The following CLEC12B variants were observed in gnomAD, a reference collection of about 807,000 sequenced individuals.
CLEC12B encodes macrophage antigen h.
A neutral mutation model predicts 36.1 loss-of-function variants in CLEC12B; 25 were observed. The observed-to-expected ratio is 0.69, with a 90% CI of 0.50 to 0.97. The LOEUF (loss-of-function observed/expected upper bound fraction) is 0.97. Ranked by LOEUF, CLEC12B falls within the 50% of genes least tolerant of loss-of-function variation. The probability of loss-of-function intolerance (pLI) is 0.00; values close to 1 mark genes in which losing one functional copy is unlikely to be tolerated. For synonymous variants in CLEC12B, 110 were observed against 108.5 expected, an observed-to-expected ratio of 1.01 and a Z score of -0.09; for missense variants, 325 against 318.4, an observed-to-expected ratio of 1.02 and a Z score of -0.16.
upstream of CLEC12B, among the ~76,000 whole-genome samples, chr12:10,008,297 G>A (rs930684242): frequency 2.0e-5 from 3 of 152,008 alleles, no homozygotes; most frequent in Non-Finnish European, 2.9e-5. Flanking sequence ...TGATTACTAC[G>A]GTGAATAGCC....
chr12:10,015,159 C>T (rs1865449033), intron 3 of CLEC12B, 93 bp from the exon 4 acceptor site: 3 of 1,050,598 alleles, frequency 2.9e-6, no homozygotes, highest in African/African-American at 3.2e-5. Flanking sequence ...GGCTCTCAGT[C>T]CCTATTGTTC....
At chr12:10,018,205 C>A in intron 5 of CLEC12B, 126 bp from the exon 6 acceptor site, 1 of 697,938 alleles carries the variant, frequency 1.4e-6, no homozygotes, top group Non-Finnish European at 2.1e-6. Context: ...GATTTTGAAG[C>A]TTTGTGGAGG....
chr12:10,016,759 T>C (rs1187987875), intron 5 of CLEC12B: 1 of 175,868 alleles, frequency 5.7e-6, no homozygotes, highest in Non-Finnish European at 1.1e-5. Context: ...AATATTTATC[T>C]TTTCTTTATG....
intron 1 of CLEC12B, 37 bp downstream of exon 1, chr12:10,010,887 G>C (rs1279556261): frequency 2.3e-5 from 32 of 1,378,056 alleles, no homozygotes; most frequent in Non-Finnish European, 3.2e-5. Flanking sequence ...GTCCTTGGGG[G>C]AGTGGACAGG....
intron 5 of CLEC12B, chr12:10,017,580 A>G (rs906206112): frequency 1.0e-4 from 103 of 985,604 alleles, no homozygotes; most frequent in Non-Finnish European, 1.2e-4. Context: ...AACACAGGTT[A>G]GAGAGACTGA....
chr12:10,007,436 T>A (rs1865243630), upstream of CLEC12B, among the ~76,000 whole-genome samples: 1 of 152,216 alleles, frequency 6.6e-6, no homozygotes, highest in African/African-American at 2.4e-5. Flanking sequence ...TCAACCACTG[T>A]TGAAAAGAAT....
At chr12:10,007,275 G>A (rs1865241472), upstream of CLEC12B, among the ~76,000 whole-genome samples, 1 of 151,786 alleles carries the variant, frequency 6.6e-6, no homozygotes, top group African/African-American at 2.4e-5. Flanking sequence ...ATCTTTGGAA[G>A]TGAACATAAG....
chr12:10,012,604 G>A (rs534917302), intron 1 of CLEC12B, among the ~76,000 whole-genome samples, 181 bp from the exon 2 acceptor site: 2 of 152,264 alleles, frequency 1.3e-5, no homozygotes, highest in African/African-American at 2.4e-5. Flanking sequence ...AGAAATGGAG[G>A]GGAAACAAGG....
At chr12:10,012,338 T>C (rs1013187423) in intron 1 of CLEC12B, among the ~76,000 whole-genome samples, 1 of 152,158 alleles carries the variant, frequency 6.6e-6, no homozygotes, top group Non-Finnish European at 1.5e-5. Context: ...TTCAATAAAC[T>C]TGAGGAAGAA....
At chr12:10,011,232 G>A (rs778229580) in intron 1 of CLEC12B, among the ~76,000 whole-genome samples, 15 of 152,102 alleles carry the variant, frequency 9.9e-5, no homozygotes, top group Non-Finnish European at 1.3e-4. Flanking sequence ...GGTAGAGGAC[G>A]TTTTTCTTTT....
chr12:10,018,348 T>A lies in CLEC12B; in HGVS notation c.698T>A (p.Leu233His). 5.4e-6 allele frequency: 8 copies of A among 1,495,016 alleles called. No individual in the cohort carries two copies. The highest frequency in any genetic ancestry group is 7.2e-6 in the Non-Finnish European group (8 of 1,103,518). The allele number at this position is 1,495,016 out of a possible 1,614,324, so 92.6% of individuals were successfully genotyped here. A position where few individuals can be genotyped will look rare whatever the true frequency, so the allele number is the denominator to read the frequency against. ...PSPSLFSTKELDQINGSKGCA... is the reference protein window; with the variant it reads ...PSPSLFSTKEHDQINGSKGCA... ...ATTTTCAGATTTAGTACTAAAGAACTTGACCAGATCAATGGATCCAAAGGA... is the reference window on the plus strand; with the variant it reads ...ATTTTCAGATTTAGTACTAAAGAACATGACCAGATCAATGGATCCAAAGGA... Residue 233 changes from leucine (L) to histidine (H), a missense_variant, in exon 6 of 6, where the codon CTT becomes CAT. By Grantham distance (99) the Leu-to-His change is moderately conservative. Coordinates refer to ENST00000338896, the MANE Select transcript of CLEC12B (RefSeq NM_001129998.3).
chr12:10,017,979 C>A, intron 5 of CLEC12B: 1 of 943,846 alleles, frequency 1.1e-6, no homozygotes, highest in Non-Finnish European at 1.3e-6. Context: ...TGTTTTTCTT[C>A]ATAAGGTCCC....
intron 1 of CLEC12B, among the ~76,000 whole-genome samples, chr12:10,011,119 G>C (rs1422992022): frequency 6.6e-6 from 1 of 152,192 alleles, no homozygotes; most frequent in Non-Finnish European, 1.5e-5. Flanking sequence ...TGGGGAATTA[G>C]AGATTTCTTC....
chr12:10,007,469 C>A (rs7970682), upstream of CLEC12B, among the ~76,000 whole-genome samples: 57,305 of 151,896 alleles, frequency 0.38, 11,119 homozygotes, highest in African/African-American at 0.42. Flanking sequence ...ACTGATGTAG[C>A]TGTTTTGGTA....
chr12:10,017,297 G>C, intron 5 of CLEC12B: 2 of 985,356 alleles, frequency 2.0e-6, no homozygotes, highest in Non-Finnish European at 2.4e-6. Flanking sequence ...TTTGTGACAA[G>C]AGCAATATTG....
At chr12:10,016,338 A>C in intron 5 of CLEC12B, 1 of 152,478 alleles carries the variant, frequency 6.6e-6, no homozygotes, top group South Asian at 2.1e-4. Context: ...AAAATGAACT[A>C]AACCTTCCAC....
upstream of CLEC12B, among the ~76,000 whole-genome samples, chr12:10,009,567 A>AC (rs1395340295): frequency 6.6e-6 from 1 of 151,546 alleles, no homozygotes; most frequent in South Asian, 2.1e-4. Flanking sequence ...ATTTGAAAAA[A>AC]AAAAAAACAA....
intron 1 of CLEC12B, among the ~76,000 whole-genome samples, chr12:10,011,145 T>A (rs1209464502): frequency 2.6e-5 from 4 of 152,202 alleles, no homozygotes; most frequent in Non-Finnish European, 5.9e-5. Flanking sequence ...AATATAATCC[T>A]TGATATTTAT....
upstream of CLEC12B, among the ~76,000 whole-genome samples, chr12:10,010,346 G>C (rs1865297292): frequency 6.6e-6 from 1 of 152,086 alleles, no homozygotes; most frequent in African/African-American, 2.4e-5. Context: ...TAGAACCAAT[G>C]TCTCCAGGCA....
Sources: gnomAD v4.1 joint callset for allele counts (sites outside exome capture counted in the v4.1 genomes callset) on GRCh38, gnomAD v4.1.1 for gene constraint, MANE v1.5 for transcripts, NCBI Gene and HGNC (gene_info 2026-07-23, HGNC 2026-07-21) for gene names.